OSBPL1A: variants seen among roughly 807,000 people sequenced by gnomAD.
OSBPL1A encodes the protein oxysterol-binding protein-related protein 1.
In OSBPL1A, 80 loss-of-function variants were observed where a neutral mutation model predicts 137.1. The ratio of observed to expected loss-of-function variants is 0.58; its 90% CI spans 0.49 to 0.70. OSBPL1A has a LOEUF of 0.70. Among genes scored for constraint, OSBPL1A ranks in the 30% least tolerant of loss-of-function variants. The pLI, the probability that OSBPL1A is intolerant of heterozygous loss-of-function variation, is 0.00. For synonymous variants in OSBPL1A, 365 were observed against 389.7 expected (o/e 0.94, Z 0.75); for missense variants, 970 against 1,129.4 (o/e 0.86, Z 2.02).
intron 17 of OSBPL1A, among the ~76,000 whole-genome samples, chr18:24,209,366 T>C (rs1820929990): frequency 6.6e-6 from 1 of 152,150 alleles, no homozygotes; most frequent in Non-Finnish European, 1.5e-5. Context: ...CAGAACAAGG[T>C]ACCATGTCAT....
At chr18:24,255,151 T>G (rs1003230256) in intron 15 of OSBPL1A, among the ~76,000 whole-genome samples, 2 of 152,116 alleles carry the variant, frequency 1.3e-5, no homozygotes, top group South Asian at 4.2e-4. Flanking sequence ...GATTGAACCA[T>G]GAAGAAACTG....
At chr18:24,367,534 T>G (rs1337178137) in intron 3 of OSBPL1A, 1 of 151,358 alleles carries the variant, frequency 6.6e-6, no homozygotes, top group East Asian at 1.9e-4. Context: ...GCTCCAGTAT[T>G]TGGGGGACTG....
intron 15 of OSBPL1A, among the ~76,000 whole-genome samples, chr18:24,268,689 G>A (rs1023149347): frequency 1.3e-5 from 2 of 152,030 alleles, no homozygotes; most frequent in Middle Eastern, 3.4e-3. Flanking sequence ...CTCTCTGGTC[G>A]CCTTTTCTCA....
intron 17 of OSBPL1A, among the ~76,000 whole-genome samples, chr18:24,205,295 C>G (rs189579402): frequency 1.2e-4 from 18 of 152,172 alleles, no homozygotes; most frequent in Non-Finnish European, 5.9e-5. Context: ...AATGACAATA[C>G]TAGTGTTTCA....
rs1435016805 is a variant in OSBPL1A at position 24,271,849 on chromosome 18, G to C, written c.1281+8993C>G. On this transcript the variant is annotated intron_variant, in intron 15 of 27. Coordinates refer to ENST00000319481, the MANE Select transcript of OSBPL1A (RefSeq NM_080597.4). This position sits in a 1 kb window ranked among gnomAD's most constrained non-coding sequence, Gnocchi z 4.0. ...AGCGCCAGCCTTCCCCAGCGAGGTC[G>C]GGCAGAGGCGTTGCCCGCCAGCGGC... is the stretch of plus-strand genomic sequence containing the variant. The C allele has an allele frequency of 2.0e-6, 2 of 985,130 alleles. No homozygotes were observed. The highest frequency in any genetic ancestry group is 3.5e-5 in the African/African-American group (2 of 57,210). 61.0% of individuals were successfully genotyped at this position (985,130 alleles called of 1,614,324 possible).
At chr18:24,267,630 G>C (rs2146051272) in intron 15 of OSBPL1A, among the ~76,000 whole-genome samples, 1 of 152,112 alleles carries the variant, frequency 6.6e-6, no homozygotes, top group African/African-American at 2.4e-5. Flanking sequence ...CTTGGCACTG[G>C]AAACAGTCCA....
intron 4 of OSBPL1A, among the ~76,000 whole-genome samples, chr18:24,355,943 C>T (rs1322262091): frequency 6.7e-6 from 1 of 149,414 alleles, no homozygotes; most frequent in African/African-American, 2.5e-5. Flanking sequence ...TGAGATCATG[C>T]CACTGCACTC....
intron 15 of OSBPL1A, 106 bp from the exon 16 acceptor site, chr18:24,239,488 T>C: frequency 2.9e-6 from 3 of 1,032,380 alleles, no homozygotes; most frequent in Non-Finnish European, 4.2e-6. Context: ...AACTGCAATA[T>C]CAGAAATGAA....
At chr18:24,287,136 G>T (rs1203863453) in intron 14 of OSBPL1A, among the ~76,000 whole-genome samples, 1 of 152,222 alleles carries the variant, frequency 6.6e-6, no homozygotes, top group Non-Finnish European at 1.5e-5. Context: ...TCTTGCAAAA[G>T]AGAATGAAGT....
intron 4 of OSBPL1A, among the ~76,000 whole-genome samples, chr18:24,345,181 A>G (rs866697193): frequency 5.1e-4 from 77 of 152,168 alleles, no homozygotes; most frequent in African/African-American, 1.7e-3. Flanking sequence ...GGTAAGGGGG[A>G]AAAAAGGCAA....
At position 24,314,210 on chromosome 18, in the gene OSBPL1A, T is replaced by C. The variant is rs769656630; in HGVS notation, c.969+39A>G. On this transcript the variant is annotated intron_variant, in intron 12 of 27. Transcript: ENST00000319481. ...ATATTCTCCGTGTCTTTAAATGTTCTGTAAGTTTTAGGAAAGATACATGAA... is the reference window on the plus strand; with the variant it reads ...ATATTCTCCGTGTCTTTAAATGTTCCGTAAGTTTTAGGAAAGATACATGAA... The C allele has an allele frequency of 1.0e-5, 14 of 1,370,160 alleles. No individual in the cohort carries two copies. The South Asian group carries it at 1.8e-4, about 18-fold the overall frequency. The allele number at this position is 1,370,160 out of a possible 1,614,324, so 84.9% of individuals were successfully genotyped here.
chr18:24,191,839 T>C (rs1267856405), intron 18 of OSBPL1A, among the ~76,000 whole-genome samples: 1 of 152,042 alleles, frequency 6.6e-6, no homozygotes, highest in Non-Finnish European at 1.5e-5. Context: ...GGACACGAAG[T>C]TAACTGAGTT....
At chr18:24,235,569 G>A (rs779593773) in intron 16 of OSBPL1A, among the ~76,000 whole-genome samples, 9 of 152,154 alleles carry the variant, frequency 5.9e-5, no homozygotes, top group African/African-American at 4.8e-5. Flanking sequence ...GAAATGTCAC[G>A]AATCACTCCT....
intron 17 of OSBPL1A, among the ~76,000 whole-genome samples, chr18:24,217,994 G>A (rs1396249526): frequency 6.6e-6 from 1 of 152,106 alleles, no homozygotes; most frequent in Non-Finnish European, 1.5e-5. Context: ...AAACGACCAG[G>A]TTTCTTGAAA....
intron 16 of OSBPL1A, among the ~76,000 whole-genome samples, chr18:24,231,789 G>A (rs546626251): frequency 6.6e-6 from 1 of 152,346 alleles, no homozygotes; most frequent in South Asian, 2.1e-4. Context: ...AACTTTCCAA[G>A]AGTTGATTTG....
intron 15 of OSBPL1A, among the ~76,000 whole-genome samples, chr18:24,263,838 T>C (rs1435877355): frequency 6.6e-6 from 1 of 152,158 alleles, no homozygotes; most frequent in Non-Finnish European, 1.5e-5. Context: ...AATTTCACCA[T>C]GTTGGCCAGG....
chr18:24,395,346 C>T (rs562418661), intron 1 of OSBPL1A, among the ~76,000 whole-genome samples: 1 of 152,250 alleles, frequency 6.6e-6, no homozygotes, highest in South Asian at 2.1e-4. Context: ...CTACTTTTCT[C>T]AATGAAAACA....
At chr18:24,383,808 A>G (rs1046178992) in intron 1 of OSBPL1A, among the ~76,000 whole-genome samples, 11 of 152,264 alleles carry the variant, frequency 7.2e-5, no homozygotes, top group African/African-American at 1.9e-4. Context: ...ATTATAATAT[A>G]TAAACCATAA....
chr18:24,326,976 T>A (rs888680967), intron 7 of OSBPL1A, among the ~76,000 whole-genome samples: 4 of 152,148 alleles, frequency 2.6e-5, no homozygotes, highest in African/African-American at 9.6e-5. Flanking sequence ...TGTTCTAAAA[T>A]AGGCCTGAAA....
Sources: gnomAD v4.1 joint callset for allele counts (sites outside exome capture counted in the v4.1 genomes callset) on GRCh38, gnomAD v4.1.1 for gene constraint, Gnocchi (gnomAD v3.1) non-coding constraint, MANE v1.5 for transcripts, NCBI Gene and HGNC (gene_info 2026-07-23, HGNC 2026-07-21) for gene names.